The following C4orf17 variants were observed in gnomAD, a reference collection of about 807,000 sequenced individuals.
C4orf17 encodes the protein uncharacterized protein C4orf17.
Under a neutral mutation model 32.0 loss-of-function variants are expected in C4orf17, and 25 were observed. The observed-to-expected ratio is 0.78, with a 90% confidence interval of 0.57 to 1.09. The LOEUF is 1.09. Among genes scored for constraint, C4orf17 ranks in the 50% least tolerant of loss-of-function variants. The pLI is 0.00. For synonymous variants in C4orf17, 149 were observed against 145.8 expected, an observed-to-expected ratio of 1.02 and a Z score of -0.16; for missense variants, 420 against 420.0, an observed-to-expected ratio of 1.00 and a Z score of 0.00.
At chr4:99,530,480 G>T (rs1355228557) in intron 5 of C4orf17, among the ~76,000 whole-genome samples, 1 of 152,080 alleles carries the variant, frequency 6.6e-6, no homozygotes, top group Non-Finnish European at 1.5e-5. Flanking sequence ...TTCTGAGAAT[G>T]ATATAAAATC....
In C4orf17 at chr4:99,522,578, A is replaced by G. The variant is rs1302677066; in HGVS notation, c.206A>G (p.Asn69Ser). 6.2e-7 allele frequency: 1 copy of G among 1,613,862 alleles called. No individual in the cohort carries two copies. The highest frequency in any genetic ancestry group is 1.3e-5 in the African/African-American group (1 of 74,890). Residue 69 changes from asparagine to serine, a missense_variant, in exon 3 of 9, where the codon AAC becomes AGC. Transcript: ENST00000326581. ...ACATTGTGGGGAGTTGGCCAGTCTA[A>G]CTACTTAGAGAAGAACAGGATACCA... ...FGTLWGVGQS[N>S]YLEKNRIPFA... is the part of the protein sequence containing the mutation.
intron 5 of C4orf17, among the ~76,000 whole-genome samples, chr4:99,531,854 C>CA (rs11447036): frequency 0.45 from 68,283 of 151,866 alleles, 17,866 homozygotes; most frequent in African/African-American, 0.73. Flanking sequence ...ATGTTTCCTA[C>CA]AAAAAAATGT....
At chr4:99,517,866 T>C (rs1011641402) in intron 2 of C4orf17, among the ~76,000 whole-genome samples, 1 of 152,212 alleles carries the variant, frequency 6.6e-6, no homozygotes, top group Non-Finnish European at 1.5e-5. Context: ...TTGCAAGGCA[T>C]GGAATGCCTC....
intron 2 of C4orf17, 150 bp downstream of exon 2, chr4:99,513,358 G>C: frequency 1.0e-6 from 1 of 978,560 alleles, no homozygotes; most frequent in Non-Finnish European, 1.5e-6. Context: ...TGCCAGCACT[G>C]TAGTGAGAGC....
intron 2 of C4orf17, among the ~76,000 whole-genome samples, chr4:99,520,678 AT>A (rs1723272973): frequency 6.6e-6 from 1 of 152,182 alleles, no homozygotes; most frequent in African/African-American, 2.4e-5. Context: ...TTCCAACATT[AT>A]TTGTCTGCCT....
intron 2 of C4orf17, 142 bp downstream of exon 2, chr4:99,513,350 C>A: frequency 1.9e-6 from 2 of 1,045,284 alleles, no homozygotes; most frequent in Non-Finnish European, 2.8e-6. Context: ...GGACTAGATG[C>A]CAGCACTGTA....
chr4:99,530,033 C>T, intron 5 of C4orf17, 75 bp downstream of exon 5: 1 of 1,145,988 alleles, frequency 8.7e-7, no homozygotes, highest in Non-Finnish European at 1.2e-6. Context: ...CACTAGCATC[C>T]TTAAAACTCT....
chr4:99,521,897 T>A (rs1029960488), intron 2 of C4orf17, among the ~76,000 whole-genome samples: 7 of 152,238 alleles, frequency 4.6e-5, no homozygotes, highest in Non-Finnish European at 7.3e-5. Context: ...AGTGAATAGT[T>A]ATTTTTAGGA....
Position 99,541,235 on chromosome 4 carries a change from C to T in C4orf17, c.881-675C>T, listed in dbSNP as rs531680415. The T allele has an allele frequency of 3.9e-5, 6 of 152,408 alleles. No homozygotes were observed. The East Asian group carries it at 1.2e-3, about 29-fold the overall frequency. The allele number at this position is 152,408 out of a possible 1,614,324, so 9.4% of individuals were successfully genotyped here. A position where few individuals can be genotyped will look rare whatever the true frequency, so the allele number is the denominator to read the frequency against. On this transcript the variant is annotated intron_variant, in intron 8 of 8. Coordinates refer to ENST00000326581, the MANE Select transcript of C4orf17 (RefSeq NM_032149.3). ...TGATTAACCAAACCCAAAAAAGACA[C>T]TATCTCCTAACAGCCAATAATAAGT...
chr4:99,515,717 G>T (rs1457166699), intron 2 of C4orf17, among the ~76,000 whole-genome samples: 1 of 151,686 alleles, frequency 6.6e-6, no homozygotes, highest in Non-Finnish European at 1.5e-5. Flanking sequence ...GTTAAAAAAA[G>T]AACTTATCCA....
chr4:99,542,234 A>G lies in C4orf17; in HGVS notation c.*125A>G, dbSNP rs138753539. 2 of 746,320 alleles carry G rather than the reference A, an allele frequency of 2.7e-6. No individual in the cohort carries two copies. The highest frequency in any genetic ancestry group is 4.6e-6 in the Non-Finnish European group (2 of 433,606). The allele number at this position is 746,320 out of a possible 1,614,324, so 46.2% of individuals were successfully genotyped here. A position where few individuals can be genotyped will look rare whatever the true frequency, so the allele number is the denominator to read the frequency against. ...GGTCCTCTTTATGGTGGCACATGTA[A>G]ATCTAAAAATACCTGTATGTAATGC... On this transcript the variant is annotated 3_prime_UTR_variant, in exon 9 of 9. Coordinates refer to ENST00000326581, the MANE Select transcript of C4orf17 (RefSeq NM_032149.3).
rs145369916 is a variant in C4orf17, at chr4:99,522,504, G to C, written c.132G>C (p.Leu44Phe). The change falls in exon 3 of 9, where the codon TTG becomes TTC. Residue 44 changes from leucine to phenylalanine, a missense_variant. By Grantham distance (22) the Leu-to-Phe change is conservative. Transcript: ENST00000326581. ...HPRRVCHIKGLNNIPICTVND... is the reference protein window; with the variant it reads ...HPRRVCHIKGFNNIPICTVND... ...TTTTAATCTTTACTCACCTAGGCTTGAATAACATTCCAATCTGTACTGTGA... is the reference window on the plus strand; with the variant it reads ...TTTTAATCTTTACTCACCTAGGCTTCAATAACATTCCAATCTGTACTGTGA... 2 of 1,612,998 alleles carry C rather than the reference G, an allele frequency of 1.2e-6. No individual in the cohort carries two copies. Among genetic ancestry groups the C allele is most frequent in the Non-Finnish European group, 1.7e-6 (2 of 1,179,254 alleles).
At chr4:99,514,029 A>G (rs1382372695) in intron 2 of C4orf17, among the ~76,000 whole-genome samples, 1 of 152,158 alleles carries the variant, frequency 6.6e-6, no homozygotes, top group Non-Finnish European at 1.5e-5. Context: ...AAAGTAGCAT[A>G]TCAACACTGG....
At chr4:99,522,217 AATCCCAGACCAAC>A (rs1723297309) in intron 2 of C4orf17, among the ~76,000 whole-genome samples, 3 of 152,202 alleles carry the variant, frequency 2.0e-5, no homozygotes, top group Non-Finnish European at 4.4e-5. Flanking sequence ...ACTCCACTTG[AATCCCAGACCAAC>A]ATCGACGATG....
intron 1 of C4orf17, among the ~76,000 whole-genome samples, chr4:99,512,518 T>A (rs1291513392): frequency 4.6e-5 from 7 of 152,330 alleles, no homozygotes; most frequent in Non-Finnish European, 8.8e-5. Context: ...CTTTGGGTTT[T>A]ACCATTCTCT....
chr4:99,522,271 C>T (rs1017240882), intron 2 of C4orf17, among the ~76,000 whole-genome samples: 2 of 151,876 alleles, frequency 1.3e-5, no homozygotes, highest in Admixed American at 6.6e-5. Flanking sequence ...ACAAAATGGC[C>T]GGAGATTTTA....
chr4:99,537,935 C>T (rs887270535), intron 6 of C4orf17, among the ~76,000 whole-genome samples, 185 bp downstream of exon 6: 1 of 152,174 alleles, frequency 6.6e-6, no homozygotes, highest in Non-Finnish European at 1.5e-5. Context: ...GTGGGTCATT[C>T]AATGAACCCA....
chr4:99,526,645 T>C (rs1210575378), intron 4 of C4orf17, among the ~76,000 whole-genome samples: 2 of 129,118 alleles, frequency 1.5e-5, no homozygotes, highest in Non-Finnish European at 3.2e-5. Flanking sequence ...CAATTTCTTT[T>C]CTTTTCTTTT....
intron 2 of C4orf17, among the ~76,000 whole-genome samples, chr4:99,520,316 C>T (rs1251329425): frequency 2.0e-5 from 3 of 151,900 alleles, no homozygotes; most frequent in South Asian, 2.1e-4. Context: ...AGGATGGTCT[C>T]GATCTCCTGA....
Sources: allele counts gnomAD v4.1 joint callset (sites outside exome capture counted in the v4.1 genomes callset), GRCh38; gene constraint gnomAD v4.1.1; transcripts MANE v1.5; gene names NCBI Gene and HGNC (gene_info 2026-07-23, HGNC 2026-07-21).